Variants in PTPN13 observed in about 807,000 individuals in gnomAD.
PTPN13 encodes the protein protein tyrosine phosphatase non-receptor type 13.
In PTPN13, 191 loss-of-function variants were observed where a neutral mutation model predicts 284.0. The observed-to-expected ratio is 0.67, with a 90% confidence interval of 0.60 to 0.76. The LOEUF is 0.76. Ranked by LOEUF, PTPN13 falls within the 30% of genes least tolerant of loss-of-function variation. PTPN13 has a pLI of 0.00. For synonymous variants in PTPN13, 986 were observed against 1,022.3 expected (o/e 0.96, Z 0.68); for missense variants, 2,797 against 2,939.9 (o/e 0.95, Z 1.12).
At chr4:86,631,028 T>C (rs1392731893) in intron 1 of PTPN13, among the ~76,000 whole-genome samples, 1 of 152,144 alleles carries the variant, frequency 6.6e-6, no homozygotes, top group African/African-American at 2.4e-5. Context: ...TTGAAATTTT[T>C]TTCCAAAAAC....
At chr4:86,739,883 C>G (rs1052929361) in intron 15 of PTPN13, among the ~76,000 whole-genome samples, 5 of 152,178 alleles carry the variant, frequency 3.3e-5, no homozygotes, top group Non-Finnish European at 7.3e-5. Flanking sequence ...AGGGGCTATA[C>G]AGGTCCCACG....
At chr4:86,619,093 A>G (rs1302303252) in intron 1 of PTPN13, among the ~76,000 whole-genome samples, 2 of 152,150 alleles carry the variant, frequency 1.3e-5, no homozygotes, top group Non-Finnish European at 2.9e-5. Context: ...CTCTCTCACA[A>G]TGCCAATCAG....
At chr4:86,687,836 GTCAATA>G (rs1447029997) in intron 4 of PTPN13, among the ~76,000 whole-genome samples, 1 of 151,764 alleles carries the variant, frequency 6.6e-6, no homozygotes, top group African/African-American at 2.4e-5. Flanking sequence ...TAAATAGAGA[GTCAATA>G]TCAATAAATA....
Position 86,735,701 on chromosome 4 carries a change from C to G in PTPN13, c.2259C>G (p.Thr753=). ...IKEELPKLHN[T]YVGASEKETE... ...AAGAGTTACCCAAATTGCATAATAC[C>G]TATGTGGGAGCTTCTGAAAAAGAGA... The change falls in exon 15 of 48, where the codon ACC becomes ACG. Residue 753 remains threonine (T), a synonymous_variant. Transcript: ENST00000411767. 6.2e-7 allele frequency: 1 copy of G among 1,612,460 alleles called. No homozygotes were observed.
At chr4:86,604,554 T>C (rs1284053798) in intron 1 of PTPN13, among the ~76,000 whole-genome samples, 1 of 151,942 alleles carries the variant, frequency 6.6e-6, no homozygotes, top group East Asian at 1.9e-4. Context: ...AGTAGCTACA[T>C]ATAAGCTACT....
At chr4:86,759,751 C>T (rs562059885) in intron 23 of PTPN13, among the ~76,000 whole-genome samples, 1 of 152,230 alleles carries the variant, frequency 6.6e-6, no homozygotes, top group South Asian at 2.1e-4. Context: ...GCTCGTATAT[C>T]AAATGGTGAC....
rs750619009 is a variant in PTPN13 at position 86,732,707 on chromosome 4, T to C, written c.1799T>C (p.Met600Thr). The C allele has an allele frequency of 1.2e-5, 20 of 1,613,658 alleles. No homozygotes were observed. Among genetic ancestry groups the C allele is most frequent in the Middle Eastern group, 1.7e-4 (1 of 6,056 alleles). ...ACTATATGTAAAGATGTGTTTGATA[T>C]GGTTGTGGCACATATTGGCTTAGTA... ...TKTICKDVFD[M>T]VVAHIGLVEH... Residue 600 changes from methionine to threonine, a missense_variant, in exon 12 of 48, where the codon ATG (methionine) becomes ACG (threonine). Met to Thr is a moderately conservative substitution (Grantham distance 81, BLOSUM62 -1). Coordinates refer to ENST00000411767, the MANE Select transcript of PTPN13 (RefSeq NM_080683.3).
At chr4:86,793,482 T>A (rs28877076) in intron 40 of PTPN13, among the ~76,000 whole-genome samples, 1 of 152,056 alleles carries the variant, frequency 6.6e-6, no homozygotes, top group African/African-American at 2.4e-5. Flanking sequence ...AGGACTTGAA[T>A]TCACCTCTGT....
intron 3 of PTPN13, among the ~76,000 whole-genome samples, chr4:86,679,406 T>C (rs1009230001): frequency 6.6e-6 from 1 of 152,200 alleles, no homozygotes; most frequent in Non-Finnish European, 1.5e-5. Flanking sequence ...TCTCTACTAG[T>C]GGTCCTCAAA....
At chr4:86,653,478 T>C (rs1725338790) in intron 2 of PTPN13, among the ~76,000 whole-genome samples, 1 of 151,146 alleles carries the variant, frequency 6.6e-6, no homozygotes, top group Non-Finnish European at 1.5e-5. Flanking sequence ...CGCCCTAAGC[T>C]CCGGAGCGCC....
intron 1 of PTPN13, among the ~76,000 whole-genome samples, chr4:86,617,017 G>A (rs1353011231): frequency 7.1e-6 from 1 of 140,490 alleles, no homozygotes; most frequent in Admixed American, 7.4e-5. Flanking sequence ...AGCTTGAGTA[G>A]GAATTTAAAA....
At chr4:86,712,386 G>A (rs1335056387) in intron 7 of PTPN13, among the ~76,000 whole-genome samples, 1 of 151,078 alleles carries the variant, frequency 6.6e-6, no homozygotes, top group Non-Finnish European at 1.5e-5. Flanking sequence ...CTGCTCAGAT[G>A]ACTTGTAAAC....
intron 20 of PTPN13, among the ~76,000 whole-genome samples, chr4:86,754,111 AT>A (rs1317763168): frequency 1.3e-5 from 2 of 152,098 alleles, no homozygotes; most frequent in African/African-American, 4.8e-5. Context: ...TGGAATTAAA[AT>A]TGCTTTTAAA....
chr4:86,648,027 T>C (rs1220160945), intron 2 of PTPN13, among the ~76,000 whole-genome samples: 1 of 152,128 alleles, frequency 6.6e-6, no homozygotes, highest in African/African-American at 2.4e-5. Flanking sequence ...AAATAAAATA[T>C]ATGGTAACTA....
In PTPN13 at chr4:86,792,379, T is replaced by A. The variant is rs541315109; in HGVS notation, c.6346-4495T>A. On this transcript the variant is annotated intron_variant, in intron 40 of 47. Transcript: ENST00000411767. ...CTGTGTGAAAAGACCAAATCTACATTTGATTGGTGTACCGGAAAGGACAGG... is the reference window on the plus strand; with the variant it reads ...CTGTGTGAAAAGACCAAATCTACATATGATTGGTGTACCGGAAAGGACAGG... Among the ~76,000 whole-genome samples the A allele has an allele frequency of 3.9e-5, 6 of 152,238 alleles. No homozygotes were observed. The South Asian group carries it at 1.2e-3, about 32-fold the overall frequency.
chr4:86,770,305 C>A, intron 30 of PTPN13, 106 bp downstream of exon 30: 1 of 1,030,726 alleles, frequency 9.7e-7, no homozygotes, highest in South Asian at 1.5e-5. Context: ...GGGTTTCATA[C>A]CTAGCTACTT....
intron 1 of PTPN13, among the ~76,000 whole-genome samples, chr4:86,621,099 T>C (rs1164239951): frequency 6.6e-6 from 1 of 152,192 alleles, no homozygotes; most frequent in Non-Finnish European, 1.5e-5. Flanking sequence ...ACTCGTTTAA[T>C]GAATTCTGTA....
intron 1 of PTPN13, among the ~76,000 whole-genome samples, chr4:86,631,483 G>T (rs1722461559): frequency 6.6e-6 from 1 of 152,148 alleles, no homozygotes; most frequent in African/African-American, 2.4e-5. Context: ...TTCTGACATT[G>T]GGTAATTAGA....
intron 5 of PTPN13, among the ~76,000 whole-genome samples, chr4:86,691,940 T>C (rs900303094): frequency 3.3e-4 from 51 of 152,314 alleles, no homozygotes; most frequent in African/African-American, 1.2e-3. Context: ...TTTAATGTTA[T>C]AATATTTGGA....
Sources: gnomAD v4.1 joint callset for allele counts (sites outside exome capture counted in the v4.1 genomes callset) on GRCh38, gnomAD v4.1.1 for gene constraint, MANE v1.5 for transcripts, NCBI Gene and HGNC (gene_info 2026-07-23, HGNC 2026-07-21) for gene names.